The following TICRR variants were observed in gnomAD, a reference collection of about 807,000 sequenced individuals.
TICRR encodes the protein treslin.
In TICRR, 132 loss-of-function variants were observed where a neutral mutation model predicts 178.1. The observed-to-expected ratio is 0.74, with a 90% confidence interval of 0.64 to 0.86. The LOEUF is 0.86. Ranked by LOEUF, TICRR falls within the 40% of genes least tolerant of loss-of-function variation. The pLI is 0.00. For missense variants in TICRR, 2,587 were observed against 2,334.3 expected (o/e 1.11, Z -2.23); for synonymous variants, 991 against 900.7 (o/e 1.10, Z -1.79).
Position 89,575,928 on chromosome 15 carries a change from C to A in TICRR, c.342C>A (p.Asp114Glu), listed in dbSNP as rs1165348650. ...LMETLLDYQW[D>E]RPEITSPTKP... ...AGACGCTGCTAGACTACCAGTGGGA[C>A]CGGCCCGAGATCACGTCGCCCACGA... is the stretch of plus-strand genomic sequence containing the variant. Residue 114 changes from aspartate (D) to glutamate (E), a missense_variant, in exon 1 of 22, where the codon GAC becomes GAA. Asp to Glu is a conservative substitution (Grantham distance 45). Transcript: ENST00000268138. 1 of 1,594,574 alleles carries A rather than the reference C, an allele frequency of 6.3e-7. No individual in the cohort carries two copies. Among genetic ancestry groups the A allele is most frequent in the South Asian group, 1.1e-5 (1 of 88,984 alleles).
chr15:89,597,400 T>A (rs1963015562), intron 7 of TICRR, among the ~76,000 whole-genome samples: 2 of 152,002 alleles, frequency 1.3e-5, no homozygotes, highest in Admixed American at 1.3e-4. Context: ...GGCAGGCGCC[T>A]GTAGTCCCAG....
Position 89,624,790 on chromosome 15 carries a change from G to C in TICRR, c.4480G>C (p.Ala1494Pro). ...SVEEGEGLRT[A>P]DAEKSSLSHP... ...GGAAGAGGGTGAGGGGCTAAGGACA[G>C]CAGATGCTGAGAAGTCTTCTCTGTC... The change falls in exon 20 of 22, where the codon GCA becomes CCA. Residue 1494 changes from alanine to proline, a missense_variant. By Grantham distance (27) the Ala-to-Pro change is conservative (BLOSUM62 -1). Coordinates refer to ENST00000268138, the MANE Select transcript of TICRR (RefSeq NM_152259.4). 1 of 1,614,238 alleles carries C rather than the reference G, an allele frequency of 6.2e-7. No individual in the cohort carries two copies.
chr15:89,615,150 C>T (rs932580479), intron 15 of TICRR, among the ~76,000 whole-genome samples: 6 of 152,204 alleles, frequency 3.9e-5, no homozygotes, highest in Admixed American at 2.6e-4. Flanking sequence ...CCACCTCAGG[C>T]AGCTGTAACA....
At position 89,623,481 on chromosome 15, in the gene TICRR, G is replaced by C. The variant is rs536684961; in HGVS notation, c.3313-142G>C. ...TGAGTCATGTTTTGGAGAGGGAAAC[G>C]GGTCACTATTTGAGATTTCCATCTT... On this transcript the variant is annotated intron_variant, in intron 19 of 21. Transcript: ENST00000268138. The C allele has an allele frequency of 3.9e-4, 334 of 853,980 alleles. 2 individuals carry two copies. The highest frequency in any genetic ancestry group is 4.4e-4 in the Non-Finnish European group (245 of 555,014). The allele number at this position is 853,980 out of a possible 1,614,324, so 52.9% of individuals were successfully genotyped here.
chr15:89,582,364 G>A (rs77464906), intron 1 of TICRR: 196 of 204,322 alleles, frequency 9.6e-4, no homozygotes, highest in Non-Finnish European at 1.6e-3. Flanking sequence ...AATGTATAAT[G>A]GTTCTATGTT....
Position 89,594,549 on chromosome 15 carries a change from AG to A in TICRR, c.1677del (p.Lys560AsnfsTer9). ...ATAGCTCATCAAGAAGACAGCAAAAAGAAACGTATGTACCTAGAAAGGCTGT... is the reference window on the plus strand; with the variant it reads ...ATAGCTCATCAAGAAGACAGCAAAAAAAACGTATGTACCTAGAAAGGCTGT... ...STIAHQEDSK[K>X]KRGVPRTPVR... On this transcript the variant is annotated frameshift_variant, in exon 6 of 22. Coordinates refer to ENST00000268138, the MANE Select transcript of TICRR (RefSeq NM_152259.4). LOFTEE classifies it high-confidence loss of function. 1 of 1,597,362 alleles carries A rather than the reference AG, an allele frequency of 6.3e-7. No individual in the cohort carries two copies. Among genetic ancestry groups the A allele is most frequent in the African/African-American group, 1.3e-5 (1 of 74,694 alleles).
chr15:89,620,613 C>T (rs1309280089), intron 18 of TICRR, among the ~76,000 whole-genome samples: 1 of 151,898 alleles, frequency 6.6e-6, no homozygotes, highest in Non-Finnish European at 1.5e-5. Flanking sequence ...AAAAAGGCAG[C>T]AGTTGTTGTA....
chr15:89,610,060 G>C (rs1425250028), intron 15 of TICRR, among the ~76,000 whole-genome samples: 2 of 152,054 alleles, frequency 1.3e-5, no homozygotes, highest in Non-Finnish European at 2.9e-5. Context: ...TCTCTTCTCT[G>C]CTTATTCTAG....
chr15:89,590,320 A>G (rs1962889363), intron 4 of TICRR, among the ~76,000 whole-genome samples: 1 of 152,214 alleles, frequency 6.6e-6, no homozygotes, highest in Admixed American at 6.5e-5. Flanking sequence ...ATTAGGAATG[A>G]TCACATAACC....
rs753571312 is a variant in TICRR, at chr15:89,625,562, C to T, written c.5252C>T (p.Pro1751Leu). ...GTGTGCCAGCTCCCAGACCAGTCGC[C>T]TCCCAGGAACAGCATGCCTAAGGCC... ...EGVCQLPDQSPPRNSMPKAEE... is the reference protein window; with the variant it reads ...EGVCQLPDQSLPRNSMPKAEE... Residue 1751 changes from proline to leucine, a missense_variant, in exon 20 of 22, where the codon CCT (proline) becomes CTT (leucine). By Grantham distance (98) the Pro-to-Leu change is moderately conservative. Transcript: ENST00000268138. 6 of 1,613,184 alleles carry T rather than the reference C, an allele frequency of 3.7e-6. No homozygotes were observed. The highest frequency in any genetic ancestry group is 5.1e-6 in the Non-Finnish European group (6 of 1,180,020).
chr15:89,615,122 T>A (rs112413108), intron 15 of TICRR, among the ~76,000 whole-genome samples: 10 of 152,216 alleles, frequency 6.6e-5, no homozygotes, highest in Non-Finnish European at 1.2e-4. Flanking sequence ...CAGCTTGTTA[T>A]TGCACCAAAT....
At position 89,600,202 on chromosome 15, in the gene TICRR, A is replaced by G. The variant is rs535658235; in HGVS notation, c.2053-383A>G. ...AAAGCCCCCTGGATAATCCTTTTGC[A>G]CTGGGAGTGTTGCAAACCACTGTTT... On this transcript the variant is annotated intron_variant, in intron 8 of 21. Transcript: ENST00000268138. Among the ~76,000 whole-genome samples the G allele has an allele frequency of 2.6e-5, 4 of 152,288 alleles. No homozygotes were observed. The East Asian group carries it at 7.7e-4, about 29-fold the overall frequency.
intron 13 of TICRR, among the ~76,000 whole-genome samples, chr15:89,604,768 C>CAA (rs35046074): frequency 0.44 from 46,441 of 106,248 alleles, 10,268 homozygotes; most frequent in Non-Finnish European, 0.54. Context: ...GAGACTCTGT[C>CAA]AAAAAAAAAA....
At chr15:89,580,196 T>G (rs1962699794) in intron 1 of TICRR, 1 of 152,294 alleles carries the variant, frequency 6.6e-6, no homozygotes, top group South Asian at 2.1e-4. Flanking sequence ...TTTTGTATTT[T>G]TAGTAGAGAT....
Position 89,601,308 on chromosome 15 carries a change from C to CAGG in TICRR, c.2165_2167dup (p.Gln722_Val723insGlu). Reference sequence around the variant, plus strand: ...TTTTTTTCTCTCAAGGTGCCAGCTTCAGGTATTTCTTCGTTTGGAGATGTG... The same window carrying CAGG: ...TTTTTTTCTCTCAAGGTGCCAGCTTCAGGAGGTATTTCTTCGTTTGGAGATGTG... On this transcript the variant is annotated inframe_insertion, in exon 10 of 22. Transcript: ENST00000268138. The CAGG allele has an allele frequency of 6.2e-7, 1 of 1,613,990 alleles. No homozygotes were observed. Among genetic ancestry groups the CAGG allele is most frequent in the Non-Finnish European group, 8.5e-7 (1 of 1,179,966 alleles).
At position 89,623,646 on chromosome 15, in the gene TICRR, A is replaced by G. The variant is rs1195794012; in HGVS notation, c.3336A>G (p.Lys1112=). ...AGACTCCCAAGAAGAGTCACCAGAA[A>G]TCTCTGAGCTTTTCTAAAACTACAC... The part of the protein sequence containing the change: ...AYQTPKKSHQ[K]SLSFSKTTPR... Residue 1112 remains lysine (K), a synonymous_variant, in exon 20 of 22, where the codon AAA becomes AAG. Coordinates refer to ENST00000268138, the MANE Select transcript of TICRR (RefSeq NM_152259.4). The G allele has an allele frequency of 1.2e-6, 2 of 1,608,006 alleles. No homozygotes were observed. Among genetic ancestry groups the G allele is most frequent in the East Asian group, 2.2e-5 (1 of 44,854 alleles).
intron 14 of TICRR, 98 bp downstream of exon 14, chr15:89,606,923 C>G (rs1310027067): frequency 1.0e-6 from 1 of 979,208 alleles, no homozygotes; most frequent in Non-Finnish European, 1.6e-6. Context: ...TAAATTAAGG[C>G]TTTGTATGAT....
chr15:89,591,978 G>T, intron 4 of TICRR, 69 bp from the exon 5 acceptor site: 1 of 1,480,648 alleles, frequency 6.8e-7, no homozygotes, highest in Admixed American at 1.9e-5. Flanking sequence ...GGAGGAGCAA[G>T]TGCTTAGAAT....
Position 89,582,821 on chromosome 15 carries a change from A to G in TICRR, c.790A>G (p.Ile264Val). 6.2e-7 allele frequency: 1 copy of G among 1,614,210 alleles called. No homozygotes were observed. Among genetic ancestry groups the G allele is most frequent in the Non-Finnish European group, 8.5e-7 (1 of 1,180,036 alleles). The change falls in exon 2 of 22, where the codon ATA (isoleucine) becomes GTA (valine). Residue 264 changes from isoleucine (I) to valine (V), a missense_variant. Physicochemically the swap from Ile to Val is conservative, Grantham distance 29. Transcript: ENST00000268138. Reference protein sequence around the residue: ...QAGEMLLRSGIKLSSEPHLSP... With the variant: ...QAGEMLLRSGVKLSSEPHLSP... Reference sequence around the variant, plus strand: ...TGGGGAAATGCTGCTCAGGAGTGGAATAAAGCTGTCAAGTGAACCTCATCT... The same window carrying G: ...TGGGGAAATGCTGCTCAGGAGTGGAGTAAAGCTGTCAAGTGAACCTCATCT...
Sources: gnomAD v4.1 joint callset for allele counts (sites outside exome capture counted in the v4.1 genomes callset) on GRCh38, gnomAD v4.1.1 for gene constraint, MANE v1.5 for transcripts, NCBI Gene and HGNC (gene_info 2026-07-23, HGNC 2026-07-21) for gene names.